The following KIAA0319L variants were observed in gnomAD, a reference collection of about 807,000 sequenced individuals.
KIAA0319L encodes dyslexia-associated protein KIAA0319-like protein.
KIAA0319L carries 55 observed loss-of-function variants against 120.1 expected under a neutral mutation model. The observed-to-expected ratio is 0.46, with a 90% CI of 0.37 to 0.57. KIAA0319L has a LOEUF of 0.57. Ranked by LOEUF, KIAA0319L falls within the 20% of genes least tolerant of loss-of-function variation. KIAA0319L has a pLI of 0.00. For missense variants in KIAA0319L, 1,049 were observed against 1,255.3 expected (o/e 0.84, Z 2.48); for synonymous variants, 398 against 471.9 (o/e 0.84, Z 2.03).
intron 3 of KIAA0319L, among the ~76,000 whole-genome samples, chr1:35,495,534 T>C (rs980917145): frequency 6.6e-6 from 1 of 152,154 alleles, no homozygotes; most frequent in Non-Finnish European, 1.5e-5. Context: ...AATGAAAAGA[T>C]AAGTTACAGA....
intron 17 of KIAA0319L, 187 bp from the exon 18 acceptor site, chr1:35,443,215 G>A (rs1641357625): frequency 8.3e-6 from 5 of 603,890 alleles, no homozygotes; most frequent in Middle Eastern, 4.4e-4. Flanking sequence ...GCAGTCAGGA[G>A]GCCACTAGAA....
At chr1:35,462,492 CT>C (rs1408107673) in intron 8 of KIAA0319L, 128 bp downstream of exon 8, 1 of 697,726 alleles carries the variant, frequency 1.4e-6, no homozygotes, top group African/African-American at 1.8e-5. Context: ...TGGCCTTCCC[CT>C]AACATGGTCA....
intron 2 of KIAA0319L, among the ~76,000 whole-genome samples, chr1:35,546,718 C>T (rs145280836): frequency 8.0e-4 from 122 of 152,284 alleles, no homozygotes; most frequent in Middle Eastern, 3.4e-3. Context: ...AAACTGAATA[C>T]GTATTAGGCC....
At chr1:35,516,761 A>G (rs556212934) in intron 2 of KIAA0319L, among the ~76,000 whole-genome samples, 21 of 152,360 alleles carry the variant, frequency 1.4e-4, no homozygotes, top group Middle Eastern at 3.4e-3. Context: ...GAGGAAGTCC[A>G]ACTATCCCTG....
rs751736347 is a variant in KIAA0319L at position 35,450,073 on chromosome 1, G to A, written c.2215-68C>T. 829 of 1,582,092 alleles carry A rather than the reference G, an allele frequency of 5.2e-4. 2 individuals are homozygous for A. The Middle Eastern group carries it at 5.9e-3, about 11-fold the overall frequency. The stretch of plus-strand genomic sequence containing the variant: ...CATTCCTTTCCTGGAGTCAGTTGCT[G>A]CTTTCACCATAACTAGGCCCTTCAG... On this transcript the variant is annotated intron_variant, in intron 14 of 20. Transcript: ENST00000325722.
chr1:35,442,049 G>A (rs1641264306), intron 19 of KIAA0319L, among the ~76,000 whole-genome samples, 197 bp downstream of exon 19: 1 of 152,166 alleles, frequency 6.6e-6, no homozygotes, highest in Non-Finnish European at 1.5e-5. Flanking sequence ...GCCACTCACT[G>A]AAGGAGTGTG....
chr1:35,445,062 T>C (rs991638212), intron 16 of KIAA0319L, among the ~76,000 whole-genome samples: 3 of 152,142 alleles, frequency 2.0e-5, no homozygotes, highest in African/African-American at 7.2e-5. Context: ...GTCACACTGG[T>C]TTACAGGTGT....
At chr1:35,485,028 T>C (rs1016447107) in intron 3 of KIAA0319L, among the ~76,000 whole-genome samples, 3 of 141,390 alleles carry the variant, frequency 2.1e-5, no homozygotes, top group African/African-American at 7.9e-5. Flanking sequence ...TATTTTGAAG[T>C]CTCTGCTAAA....
At chr1:35,452,128 C>G (rs1011431837) in intron 12 of KIAA0319L, among the ~76,000 whole-genome samples, 8 of 152,196 alleles carry the variant, frequency 5.3e-5, no homozygotes, top group Non-Finnish European at 8.8e-5. Context: ...TTCTAAAAAG[C>G]ATTTCTGGCC....
At chr1:35,481,044 A>G (rs1190359887) in intron 3 of KIAA0319L, among the ~76,000 whole-genome samples, 1 of 152,206 alleles carries the variant, frequency 6.6e-6, no homozygotes, top group Non-Finnish European at 1.5e-5. Context: ...TATAAAAGGA[A>G]GCATATACAT....
intron 3 of KIAA0319L, among the ~76,000 whole-genome samples, chr1:35,504,078 G>T (rs927023465): frequency 1.2e-4 from 18 of 151,556 alleles, no homozygotes; most frequent in Non-Finnish European, 1.8e-4. Context: ...TAGAGGCGGG[G>T]TTTCACCATG....
intron 20 of KIAA0319L, among the ~76,000 whole-genome samples, chr1:35,436,839 C>T (rs757819318): frequency 6.6e-6 from 1 of 152,282 alleles, no homozygotes; most frequent in Non-Finnish European, 1.5e-5. Flanking sequence ...CAGACTCCCG[C>T]GCACACACAT....
At chr1:35,445,575 G>C (rs1441061626) in intron 16 of KIAA0319L, among the ~76,000 whole-genome samples, 1 of 152,198 alleles carries the variant, frequency 6.6e-6, no homozygotes, top group East Asian at 1.9e-4. Flanking sequence ...TGCACACTAT[G>C]TGTGAGGGAC....
rs778144519 is a variant in KIAA0319L at position 35,441,041 on chromosome 1, C to T, written c.2962+6G>A. ...ACCTAGAAGCTCTGGCACCCAGGGC[C>T]CCTACCTGCTCGGGAGGTTGGCTTC... On this transcript the variant is annotated splice_donor_region_variant and intron_variant, in intron 20 of 20. Transcript: ENST00000325722. 1 of 1,611,696 alleles carries T rather than the reference C, an allele frequency of 6.2e-7. No individual in the cohort carries two copies. Among genetic ancestry groups the T allele is most frequent in the East Asian group, 2.2e-5 (1 of 44,874 alleles).
chr1:35,552,579 A>G (rs1647316922), intron 2 of KIAA0319L, among the ~76,000 whole-genome samples: 1 of 152,184 alleles, frequency 6.6e-6, no homozygotes, highest in Admixed American at 6.5e-5. Flanking sequence ...ATTAAATGAG[A>G]TAAGGTATGT....
chr1:35,448,054 G>C (rs751458058), intron 16 of KIAA0319L, 119 bp downstream of exon 16: 1 of 942,114 alleles, frequency 1.1e-6, no homozygotes, highest in Admixed American at 2.5e-5. Context: ...AAGGCAACAT[G>C]AGTGTTTCTG....
At chr1:35,511,115 T>C (rs1645424832) in intron 2 of KIAA0319L, 1 of 152,562 alleles carries the variant, frequency 6.6e-6, no homozygotes, top group Non-Finnish European at 1.5e-5. Context: ...ATGTGAAATC[T>C]TTTTCAGGTA....
chr1:35,435,487 T>G (rs1400710243), intron 20 of KIAA0319L: 2 of 175,548 alleles, frequency 1.1e-5, no homozygotes, highest in African/African-American at 4.8e-5. Flanking sequence ...AGCTTTTAGC[T>G]GCACCCTAGG....
chr1:35,456,418 T>C (rs1488543248), intron 9 of KIAA0319L, among the ~76,000 whole-genome samples, 177 bp from the exon 10 acceptor site: 1 of 152,214 alleles, frequency 6.6e-6, no homozygotes. Flanking sequence ...TGAAGTTTTA[T>C]GATGTGCTAG....
Sources: gnomAD v4.1 joint callset for allele counts (sites outside exome capture counted in the v4.1 genomes callset) on GRCh38, gnomAD v4.1.1 for gene constraint, MANE v1.5 for transcripts, NCBI Gene and HGNC (gene_info 2026-07-23, HGNC 2026-07-21) for gene names.